PLPPR1: variants seen among roughly 807,000 people sequenced by gnomAD.
The protein encoded by PLPPR1 is phospholipid phosphatase related 1.
PLPPR1 carries 10 observed loss-of-function variants against 33.1 expected under a neutral mutation model. That is an observed-to-expected ratio of 0.30 (90% CI 0.19 to 0.51). The LOEUF (loss-of-function observed/expected upper bound fraction) is 0.51, where lower values mean the gene tolerates loss of function less well. Ranked by LOEUF, PLPPR1 falls within the 20% of genes least tolerant of loss-of-function variation. The pLI, the probability that PLPPR1 is intolerant of heterozygous loss-of-function variation, is 0.97. For missense variants in PLPPR1, 304 were observed against 408.1 expected, an observed-to-expected ratio of 0.74 and a Z score of 2.20; for synonymous variants, 151 against 151.0, an observed-to-expected ratio of 1.00 and a Z score of 0.00.
intron 2 of PLPPR1, among the ~76,000 whole-genome samples, chr9:101,191,013 G>A (rs894334642): frequency 3.3e-5 from 5 of 152,182 alleles, no homozygotes; most frequent in African/African-American, 1.2e-4. Flanking sequence ...ATCTTGAATT[G>A]TAGCTTGTAG....
At position 101,063,424 on chromosome 9, in the gene PLPPR1, C is replaced by T. The variant is rs77856646; in HGVS notation, c.-46+34322C>T. 6.3e-3 allele frequency among the ~76,000 whole-genome samples: 952 copies of T among 152,098 alleles called. 12 individuals carry two copies. The highest frequency in any genetic ancestry group is 0.022 in the African/African-American group (920 of 41,460). ...TGTGAGTACCCTTCTAGTGGTGGCA[C>T]TTCCACCCACATGCTATTGGCCAAG... On this transcript the variant is annotated intron_variant, in intron 1 of 7. Coordinates refer to ENST00000374874, the MANE Select transcript of PLPPR1 (RefSeq NM_207299.2).
chr9:101,153,028 C>T (rs574072057), intron 1 of PLPPR1, among the ~76,000 whole-genome samples: 57 of 152,240 alleles, frequency 3.7e-4, no homozygotes, highest in African/African-American at 1.3e-3. Flanking sequence ...TTCCTACCCA[C>T]GAGCAGGGAA....
intron 1 of PLPPR1, among the ~76,000 whole-genome samples, chr9:101,063,333 T>C (rs1042292787): frequency 6.6e-6 from 1 of 152,066 alleles, no homozygotes; most frequent in Admixed American, 6.6e-5. Context: ...TCCTCACATG[T>C]AGTTTCACAG....
At chr9:101,148,241 T>A (rs1218430280) in intron 1 of PLPPR1, among the ~76,000 whole-genome samples, 2 of 152,186 alleles carry the variant, frequency 1.3e-5, no homozygotes, top group African/African-American at 4.8e-5. Context: ...CATATTTCAC[T>A]GGCTGGGGAC....
intron 7 of PLPPR1, among the ~76,000 whole-genome samples, chr9:101,317,819 TTAA>T (rs1286316939): frequency 6.6e-6 from 1 of 152,184 alleles, no homozygotes; most frequent in Non-Finnish European, 1.5e-5. Context: ...GCAATTTGAC[TTAA>T]TAACTAGGAT....
At chr9:101,306,960 T>C (rs1053911628) in intron 4 of PLPPR1, among the ~76,000 whole-genome samples, 4 of 152,202 alleles carry the variant, frequency 2.6e-5, no homozygotes, top group Non-Finnish European at 5.9e-5. Context: ...CCCTGTATGA[T>C]CTGACATGGT....
At chr9:101,280,073 TCAAA>T (rs1465268544) in intron 3 of PLPPR1, among the ~76,000 whole-genome samples, 1 of 151,798 alleles carries the variant, frequency 6.6e-6, no homozygotes, top group South Asian at 2.1e-4. Flanking sequence ...AAGAGATGAC[TCAAA>T]CAAATAAAAT....
intron 2 of PLPPR1, among the ~76,000 whole-genome samples, chr9:101,193,632 A>T (rs1826341015): frequency 6.6e-6 from 1 of 152,212 alleles, no homozygotes; most frequent in African/African-American, 2.4e-5. Flanking sequence ...ATCATTAAAT[A>T]CACCATATTT....
intron 4 of PLPPR1, among the ~76,000 whole-genome samples, chr9:101,291,717 C>G (rs371912533): frequency 6.6e-6 from 1 of 152,148 alleles, no homozygotes; most frequent in African/African-American, 2.4e-5. Flanking sequence ...CCAACAGACC[C>G]GCAGCTGAGG....
Position 101,242,544 on chromosome 9 carries a change from G to A in PLPPR1, c.64-27336G>A, listed in dbSNP as rs62576897. Among the ~76,000 whole-genome samples, 602 of 152,006 alleles carry A rather than the reference G, an allele frequency of 4.0e-3. 3 individuals are homozygous for A. The highest frequency in any genetic ancestry group is 4.7e-3 in the Non-Finnish European group (317 of 67,938). ...TCATTGCTTCTTTGACATGATGTTG[G>A]TGCCTGATTGTTCTCTTAATGTTTT... is the stretch of plus-strand genomic sequence containing the variant. On this transcript the variant is annotated intron_variant, in intron 2 of 7. Coordinates refer to ENST00000374874, the MANE Select transcript of PLPPR1 (RefSeq NM_207299.2).
intron 1 of PLPPR1, among the ~76,000 whole-genome samples, chr9:101,097,446 G>T (rs1258806479): frequency 6.6e-6 from 1 of 152,168 alleles, no homozygotes; most frequent in Non-Finnish European, 1.5e-5. Flanking sequence ...TTTGAATGAT[G>T]TGCTTAGAAT....
intron 1 of PLPPR1, among the ~76,000 whole-genome samples, chr9:101,137,247 T>C (rs2118624389): frequency 6.6e-6 from 1 of 152,248 alleles, no homozygotes; most frequent in African/African-American, 2.4e-5. Context: ...GAGAAGGAAG[T>C]GCACTGGGCT....
chr9:101,255,323 T>C (rs1827779647), intron 2 of PLPPR1, among the ~76,000 whole-genome samples: 1 of 152,114 alleles, frequency 6.6e-6, no homozygotes, highest in South Asian at 2.1e-4. Flanking sequence ...CATAATAGGC[T>C]CTCATAAGAT....
chr9:101,244,813 TA>T (rs1827555327), intron 2 of PLPPR1, among the ~76,000 whole-genome samples: 1 of 152,036 alleles, frequency 6.6e-6, no homozygotes, highest in African/African-American at 2.4e-5. Flanking sequence ...GAAAATTTGT[TA>T]ATATGTATCT....
chr9:101,147,718 C>A (rs1831537619), intron 1 of PLPPR1, among the ~76,000 whole-genome samples: 1 of 152,154 alleles, frequency 6.6e-6, no homozygotes, highest in Non-Finnish European at 1.5e-5. Flanking sequence ...CCCAGGCACC[C>A]ATTTGCTGTT....
chr9:101,179,531 C>T (rs1826067468), intron 1 of PLPPR1, among the ~76,000 whole-genome samples: 1 of 152,250 alleles, frequency 6.6e-6, no homozygotes, highest in East Asian at 1.9e-4. Flanking sequence ...TTATTGACTT[C>T]ATATCAGCAT....
At chr9:101,286,681 T>C (rs1311574563) in intron 4 of PLPPR1, among the ~76,000 whole-genome samples, 3 of 152,190 alleles carry the variant, frequency 2.0e-5, no homozygotes, top group African/African-American at 7.2e-5. Flanking sequence ...TTGAAAATAA[T>C]GCCTTTTCAA....
At chr9:101,091,326 A>G (rs367895266) in intron 1 of PLPPR1, among the ~76,000 whole-genome samples, 38 of 152,264 alleles carry the variant, frequency 2.5e-4, no homozygotes, top group African/African-American at 8.7e-4. Flanking sequence ...TTAAATGTAC[A>G]ACTTTAGTAT....
At chr9:101,100,842 C>A (rs1830889287) in intron 1 of PLPPR1, among the ~76,000 whole-genome samples, 1 of 151,904 alleles carries the variant, frequency 6.6e-6, no homozygotes. Flanking sequence ...ACTGTTATTT[C>A]CCCATTCTAT....
Sources: gnomAD v4.1 joint callset for allele counts (sites outside exome capture counted in the v4.1 genomes callset) on GRCh38, gnomAD v4.1.1 for gene constraint, MANE v1.5 for transcripts, NCBI Gene and HGNC (gene_info 2026-07-23, HGNC 2026-07-21) for gene names.